Variants in DNAH9 observed in about 807,000 individuals in gnomAD.
The protein encoded by DNAH9 is DNAH9 variant protein.
A neutral mutation model predicts 471.6 loss-of-function variants in DNAH9; 345 were observed. The ratio of observed to expected loss-of-function variants is 0.73; its 90% confidence interval spans 0.67 to 0.80. The LOEUF is 0.80. Among genes scored for constraint, DNAH9 ranks in the 30% least tolerant of loss-of-function variants. DNAH9 has a pLI of 0.00. For missense variants in DNAH9, 5,407 were observed against 5,609.2 expected (o/e 0.96, Z 1.15); for synonymous variants, 2,093 against 2,123.6 (o/e 0.99, Z 0.40).
At chr17:11,849,901 TATTG>T (rs1313100710) in intron 49 of DNAH9, among the ~76,000 whole-genome samples, 1 of 152,084 alleles carries the variant, frequency 6.6e-6, no homozygotes, top group African/African-American at 2.4e-5. Context: ...ACTGCACACA[TATTG>T]ATTCATTCAT....
chr17:11,807,833 T>G lies in DNAH9; in HGVS notation c.8522T>G (p.Ile2841Ser). 1.2e-6 allele frequency: 2 copies of G among 1,614,094 alleles called. No homozygotes were observed. Among genetic ancestry groups the G allele is most frequent in the Non-Finnish European group, 1.7e-6 (2 of 1,179,958 alleles). ...AGCCTGACAAGGCTGGCAGCTTTCA[T>G]CAGCTCCATGGATGTCTTCCAGATC... ...KQSLTRLAAF[I>S]SSMDVFQITL... The change falls in exon 44 of 69, where the codon ATC becomes AGC. Residue 2841 changes from isoleucine (I) to serine (S), a missense_variant. Transcript: ENST00000262442.
At position 11,783,468 on chromosome 17, in the gene DNAH9, G is replaced by T. The variant is rs9674923; in HGVS notation, c.7719-178G>T. On this transcript the variant is annotated intron_variant, in intron 39 of 68. Coordinates refer to ENST00000262442, the MANE Select transcript of DNAH9 (RefSeq NM_001372.4). ...CTTCCTATGCTATTTCCTTAGATAT[G>T]GAGGTACCTTGGGAATCTGTCTTAT... 0.048 allele frequency among the ~76,000 whole-genome samples: 7,335 copies of T among 152,142 alleles called. 601 individuals carry two copies. The highest frequency in any genetic ancestry group is 0.17 in the African/African-American group (6,945 of 41,472).
At chr17:11,687,479 A>G (rs2074259805) in intron 19 of DNAH9, among the ~76,000 whole-genome samples, 1 of 152,198 alleles carries the variant, frequency 6.6e-6, no homozygotes, top group Non-Finnish European at 1.5e-5. Context: ...TTGAAAAACA[A>G]GAGTTTGTAT....
At position 11,881,255 on chromosome 17, in the gene DNAH9, C is replaced by T. The variant is rs765601992; in HGVS notation, c.10648C>T (p.Arg3550Trp). Residue 3550 changes from arginine (R) to tryptophan (W), a missense_variant, in exon 55 of 69, where the codon CGG becomes TGG. Arg to Trp is a moderately radical substitution (Grantham distance 101, BLOSUM62 -3). Around this residue, in one of 3 missense-constraint regions of DNAH9, gnomAD observed 4,636 missense variants for 4,900.3 expected, o/e 0.95. Transcript: ENST00000262442. ...AGAATGTGAATACAATCCCAAGTTCCGGCTCATCCTCCACACCAAGCTGGC... is the reference window on the plus strand; with the variant it reads ...AGAATGTGAATACAATCCCAAGTTCTGGCTCATCCTCCACACCAAGCTGGC... ...DKECEYNPKF[R>W]LILHTKLANP... The T allele has an allele frequency of 5.1e-5, 82 of 1,613,998 alleles. No individual in the cohort carries two copies. The Middle Eastern group carries it at 9.9e-4, about 19-fold the overall frequency.
At chr17:11,933,821 C>A (rs1597844650) in intron 64 of DNAH9, 59 bp from the exon 65 acceptor site, 6 of 1,520,792 alleles carry the variant, frequency 3.9e-6, no homozygotes, top group Non-Finnish European at 5.4e-6. Context: ...GGGAGGCCAG[C>A]CCCGACGCCT....
At chr17:11,956,812 G>A (rs889109087) in intron 67 of DNAH9, among the ~76,000 whole-genome samples, 15 of 151,672 alleles carry the variant, frequency 9.9e-5, no homozygotes, top group African/African-American at 3.1e-4. Context: ...CATGAGATGC[G>A]AATATCAGCA....
At chr17:11,849,104 G>A (rs1971323240) in intron 49 of DNAH9, among the ~76,000 whole-genome samples, 1 of 152,108 alleles carries the variant, frequency 6.6e-6, no homozygotes, top group Admixed American at 6.6e-5. Flanking sequence ...CCAAAGTGCT[G>A]GCATTACAAG....
rs1231554543 is a variant in DNAH9, at chr17:11,690,180, C to G, written c.4358C>G (p.Pro1453Arg). The change falls in exon 20 of 69, where the codon CCC (proline) becomes CGC (arginine). Residue 1453 changes from proline (P) to arginine (R), a missense_variant. Pro to Arg is a moderately radical substitution (Grantham distance 103, BLOSUM62 -2). Around this residue, in one of 3 missense-constraint regions of DNAH9, gnomAD observed 4,636 missense variants for 4,900.3 expected, o/e 0.95. Transcript: ENST00000262442. Reference protein sequence around the residue: ...TWAGMEFQYEPHPRTNVPLLC... With the variant: ...TWAGMEFQYERHPRTNVPLLC... The stretch of plus-strand genomic sequence containing the variant: ...GCTGGCATGGAATTCCAGTATGAGC[C>G]CCACCCACGGACCAATGTCCCCCTC... 1 of 1,614,178 alleles carries G rather than the reference C, an allele frequency of 6.2e-7. No homozygotes were observed.
At chr17:11,733,605 A>G (rs1043030179) in intron 28 of DNAH9, among the ~76,000 whole-genome samples, 2 of 152,112 alleles carry the variant, frequency 1.3e-5, no homozygotes, top group African/African-American at 2.4e-5. Flanking sequence ...TAATCCCAGC[A>G]CTTTGGGAGG....
rs1395999675 is a variant in DNAH9, at chr17:11,807,741, C to T, written c.8430C>T (p.Ile2810=). 6.2e-7 allele frequency: 1 copy of T among 1,606,538 alleles called. No individual in the cohort carries two copies. Among genetic ancestry groups the T allele is most frequent in the Non-Finnish European group, 8.5e-7 (1 of 1,174,058 alleles). ...FEDAMRHVCH[I]NRILESPRGN... is the part of the protein sequence containing the mutation. ...GCTTCCTTCTCTTTAGCTGCCATAT[C>T]AATCGCATCTTGGAGTCCCCGCGGG... is the stretch of plus-strand genomic sequence containing the variant. Residue 2810 remains isoleucine (I), a synonymous_variant, in exon 44 of 69, where the codon ATC becomes ATT. Coordinates refer to ENST00000262442, the MANE Select transcript of DNAH9 (RefSeq NM_001372.4).
chr17:11,759,232 A>T (rs1967541698), intron 35 of DNAH9, among the ~76,000 whole-genome samples: 1 of 151,970 alleles, frequency 6.6e-6, no homozygotes, highest in South Asian at 2.1e-4. Context: ...CCTGAATAGC[A>T]TACATTGTAT....
At chr17:11,940,126 C>T (rs764755186) in intron 66 of DNAH9, among the ~76,000 whole-genome samples, 2 of 152,222 alleles carry the variant, frequency 1.3e-5, no homozygotes, top group Non-Finnish European at 2.9e-5. Context: ...GCATTTATTA[C>T]TTTTCCAGAA....
At position 11,756,640 on chromosome 17, in the gene DNAH9, C is replaced by T. The variant is rs774050192; in HGVS notation, c.6811C>T (p.Leu2271=). 4.3e-6 allele frequency: 7 copies of T among 1,613,280 alleles called. No homozygotes were observed. The Admixed American group carries it at 6.7e-5, about 15-fold the overall frequency. ...TMKLLFEISH[L]RTATPATVSR... is the part of the protein sequence containing the mutation. ...GAAGCTCCTCTTTGAGATCAGCCAC[C>T]TGCGCACAGCCACTCCAGCAACTGT... is the stretch of plus-strand genomic sequence containing the variant. The change falls in exon 34 of 69, where the codon CTG becomes TTG. Residue 2271 remains leucine, a synonymous_variant. Coordinates refer to ENST00000262442, the MANE Select transcript of DNAH9 (RefSeq NM_001372.4).
intron 57 of DNAH9, 36 bp downstream of exon 57, chr17:11,887,001 T>C (rs1257476578): frequency 6.3e-7 from 1 of 1,590,886 alleles, no homozygotes; most frequent in African/African-American, 1.3e-5. Context: ...CTGATTATAA[T>C]AAAGCAGTGT....
At chr17:11,765,117 C>A (rs1967877593) in intron 36 of DNAH9, among the ~76,000 whole-genome samples, 1 of 152,168 alleles carries the variant, frequency 6.6e-6, no homozygotes, top group African/African-American at 2.4e-5. Context: ...GGGTACCCAG[C>A]TCCTAGGAGG....
Position 11,710,658 on chromosome 17 carries a change from T to G in DNAH9, c.5552+5473T>G, listed in dbSNP as rs113094524. On this transcript the variant is annotated intron_variant, in intron 26 of 68. Transcript: ENST00000262442. ...AATTATTTACTACTGTTATTGCCCG[T>G]TTTTCTCTGGGATATTCTTTTATCA... Among the ~76,000 whole-genome samples, 659 of 152,334 alleles carry G rather than the reference T, an allele frequency of 4.3e-3. 6 individuals are homozygous for G. Among genetic ancestry groups the G allele is most frequent in the African/African-American group, 0.015 (628 of 41,576 alleles).
intron 55 of DNAH9, among the ~76,000 whole-genome samples, chr17:11,881,930 C>T (rs1403499872): frequency 2.0e-5 from 3 of 151,280 alleles, no homozygotes; most frequent in East Asian, 3.9e-4. Flanking sequence ...AAAAAAAAAA[C>T]AGCTTGGAGA....
At chr17:11,812,085 A>G (rs1303092633) in intron 45 of DNAH9, among the ~76,000 whole-genome samples, 1 of 142,674 alleles carries the variant, frequency 7.0e-6, no homozygotes, top group African/African-American at 2.5e-5. Flanking sequence ...ATCCAAGAAT[A>G]TAAGACAATA....
chr17:11,905,009 G>A (rs1271445147), intron 60 of DNAH9, among the ~76,000 whole-genome samples: 3 of 152,070 alleles, frequency 2.0e-5, no homozygotes, highest in African/African-American at 7.2e-5. Flanking sequence ...TGAGGCGGGT[G>A]GATCACAAGG....
Sources: gnomAD v4.1 joint callset for allele counts (sites outside exome capture counted in the v4.1 genomes callset) on GRCh38, gnomAD v4.1.1 for gene constraint, gnomAD v4.1.1 regional missense constraint, MANE v1.5 for transcripts, NCBI Gene and HGNC (gene_info 2026-07-23, HGNC 2026-07-21) for gene names.